The following HOXC4 variants were observed in gnomAD, a reference collection of about 807,000 sequenced individuals.
HOXC4 encodes the protein homeobox protein Hox-C4.
A neutral mutation model predicts 25.5 loss-of-function variants in HOXC4; 15 were observed. The ratio of observed to expected loss-of-function variants is 0.59; its 90% CI spans 0.39 to 0.91. The LOEUF is 0.91. Ranked by LOEUF, HOXC4 falls within the 40% of genes least tolerant of loss-of-function variation. The pLI is 0.00. For synonymous variants in HOXC4, 165 were observed against 148.0 expected (o/e 1.11, Z -0.83); for missense variants, 342 against 352.4 (o/e 0.97, Z 0.24).
intron 1 of HOXC4, among the ~76,000 whole-genome samples, chr12:54,023,209 A>AT (rs1940528809): frequency 6.6e-6 from 1 of 152,014 alleles, no homozygotes; most frequent in South Asian, 2.1e-4. Flanking sequence ...GCCAGAAATG[A>AT]TTTTTTCCAG....
chr12:54,034,495 G>A (rs2136450094), intron 1 of HOXC4: 1 of 1,612,316 alleles, frequency 6.2e-7, no homozygotes, highest in Non-Finnish European at 8.5e-7. Context: ...CTCTTTAGAG[G>A]CAGCGGGGGA....
intron 1 of HOXC4, chr12:54,037,856 C>T (rs1941213490): frequency 6.6e-6 from 1 of 152,166 alleles, no homozygotes; most frequent in Non-Finnish European, 1.5e-5. Flanking sequence ...GACAAACCCA[C>T]AATATATTTA....
Position 54,026,943 on chromosome 12 carries a change from C to CT in HOXC4, c.-124+9529_-124+9530insT, listed in dbSNP as rs202043439. 7.6e-3 allele frequency among the ~76,000 whole-genome samples: 1,065 copies of CT among 140,398 alleles called. 18 individuals are homozygous for CT. The highest frequency in any genetic ancestry group is 0.028 in the African/African-American group (1,025 of 37,098). 92.1% of individuals were successfully genotyped at this position (140,398 alleles called of 152,430 possible). ...TCTTGTTATAGCCAGCTTTCCCCCC[C>CT]CCCAACCCACCCAAAAATGGTGGGG... is the stretch of plus-strand genomic sequence containing the variant. On this transcript the variant is annotated intron_variant, in intron 1 of 3. Transcript: ENST00000303406.
intron 1 of HOXC4, chr12:54,034,610 C>T: frequency 1.2e-6 from 1 of 803,990 alleles, no homozygotes; most frequent in Non-Finnish European, 2.0e-6. Context: ...CACTGGGCTC[C>T]CGGGCCCCAC....
At chr12:54,033,471 G>A (rs1352181159) in intron 1 of HOXC4, 3 of 1,597,308 alleles carry the variant, frequency 1.9e-6, no homozygotes, top group South Asian at 2.2e-5. Flanking sequence ...GAGCAGTGGG[G>A]AGATCAAAGA....
intron 1 of HOXC4, chr12:54,028,409 AT>A: frequency 8.1e-7 from 1 of 1,230,224 alleles, no homozygotes; most frequent in Non-Finnish European, 1.1e-6. Context: ...TGACTTTGTC[AT>A]TTTGTCTGTC....
chr12:54,056,022 T>C lies in HOXC4; in HGVS notation c.*817T>C, dbSNP rs1200640119. The C allele has an allele frequency of 6.5e-6, 1 of 152,678 alleles. No individual in the cohort carries two copies. The highest frequency in any genetic ancestry group is 1.5e-5 in the Non-Finnish European group (1 of 68,048). The allele number at this position is 152,678 out of a possible 1,614,324, so 9.5% of individuals were successfully genotyped here. A position where few individuals can be genotyped will look rare whatever the true frequency, so the allele number is the denominator to read the frequency against. ...TCAATAATAAACCAGTGGATGTGAA[T>C]TAGTTTTACGTCAATGTCTGATGGT... On this transcript the variant is annotated 3_prime_UTR_variant, in exon 2 of 2. Transcript: ENST00000430889.
intron 1 of HOXC4, among the ~76,000 whole-genome samples, chr12:54,029,422 CA>C (rs1455384848): frequency 2.8e-5 from 4 of 140,712 alleles, no homozygotes; most frequent in Non-Finnish European, 6.3e-5. Flanking sequence ...CCCCCCCCCC[CA>C]CCACACACCT....
intron 1 of HOXC4, among the ~76,000 whole-genome samples, chr12:54,042,898 G>A (rs560197637): frequency 6.6e-6 from 1 of 152,306 alleles, no homozygotes; most frequent in African/African-American, 2.4e-5. Flanking sequence ...GGGGCTCCAG[G>A]AGCCCAAGGA....
chr12:54,054,849 G>A lies in HOXC4; in HGVS notation c.440-1G>A. 1 of 1,600,026 alleles carries A rather than the reference G, an allele frequency of 6.2e-7. No homozygotes were observed. The highest frequency in any genetic ancestry group is 8.6e-7 in the Non-Finnish European group (1 of 1,169,380). On this transcript the variant is annotated splice_acceptor_variant, in intron 1 of 1. Coordinates refer to ENST00000430889, the MANE Select transcript of HOXC4 (RefSeq NM_153633.3). LOFTEE classifies it high-confidence loss of function. ...ACTATTTGCTTTTCCCCTCCCCCCA[G>A]TGAACCCCAATTATAACGGAGGGGA... is the stretch of plus-strand genomic sequence containing the variant.
chr12:54,031,054 A>C (rs1484104739), intron 1 of HOXC4, among the ~76,000 whole-genome samples: 2 of 152,204 alleles, frequency 1.3e-5, no homozygotes, highest in South Asian at 2.1e-4. Context: ...ACCCTGCGGG[A>C]AAAAGCCGCG....
chr12:54,052,925 G>T (rs1185125212), upstream of HOXC4, among the ~76,000 whole-genome samples: 1 of 152,204 alleles, frequency 6.6e-6, no homozygotes, highest in African/African-American at 2.4e-5. Flanking sequence ...TCAGGATCTT[G>T]GCTGGGCACC....
At chr12:54,025,492 G>T (rs1940650077) in intron 1 of HOXC4, among the ~76,000 whole-genome samples, 1 of 142,502 alleles carries the variant, frequency 7.0e-6, no homozygotes, top group Non-Finnish European at 1.5e-5. Flanking sequence ...AGAGAAAGAA[G>T]AGGGCTTCTT....
At chr12:54,038,853 A>T (rs1411656740) in intron 1 of HOXC4, among the ~76,000 whole-genome samples, 4 of 152,020 alleles carry the variant, frequency 2.6e-5, no homozygotes, top group African/African-American at 9.7e-5. Context: ...CCCAACCTTA[A>T]GGACAGAGTA....
rs11554014 is a variant in HOXC4, at chr12:54,055,939, T to C, written c.*734T>C. The C allele has an allele frequency of 0.015, 2,263 of 152,758 alleles. 20 individuals carry two copies. The highest frequency in any genetic ancestry group is 0.025 in the Non-Finnish European group (1,703 of 68,020). The allele number at this position is 152,758 out of a possible 1,614,324, so 9.5% of individuals were successfully genotyped here. ...TATTGTGTTTTTGGACTGAATTTACTTGATTATTGTAAAACTTGCAATAAA... is the reference window on the plus strand; with the variant it reads ...TATTGTGTTTTTGGACTGAATTTACCTGATTATTGTAAAACTTGCAATAAA... On this transcript the variant is annotated 3_prime_UTR_variant, in exon 2 of 2. Coordinates refer to ENST00000430889, the MANE Select transcript of HOXC4 (RefSeq NM_153633.3).
In HOXC4 at chr12:54,055,253, C is replaced by T. The variant is rs1937950239; in HGVS notation, c.*48C>T. On this transcript the variant is annotated 3_prime_UTR_variant, in exon 2 of 2. Transcript: ENST00000430889. ...CCACCCCATGCCCCCACCCTCCCCT[C>T]ACACACAAATTGACTCTTATTTATA... 6.0e-6 allele frequency: 5 copies of T among 833,220 alleles called. No individual in the cohort carries two copies. Among genetic ancestry groups the T allele is most frequent in the Non-Finnish European group, 5.3e-6 (3 of 561,830 alleles). The allele number at this position is 833,220 out of a possible 1,614,324, so 51.6% of individuals were successfully genotyped here.
At chr12:54,033,770 A>C (rs1380861393) in intron 1 of HOXC4, among the ~76,000 whole-genome samples, 1 of 152,244 alleles carries the variant, frequency 6.6e-6, no homozygotes, top group Admixed American at 6.5e-5. Context: ...TCATAGGAAC[A>C]AAACGTGTAT....
intron 1 of HOXC4, among the ~76,000 whole-genome samples, chr12:54,047,423 G>A (rs1937740621): frequency 6.6e-6 from 1 of 152,254 alleles, no homozygotes; most frequent in Admixed American, 6.5e-5. Flanking sequence ...GGGCGAGGCC[G>A]AAGCCCGCCC....
chr12:54,034,575 T>A, intron 1 of HOXC4: 1 of 1,221,698 alleles, frequency 8.2e-7, no homozygotes, highest in Non-Finnish European at 1.2e-6. Context: ...CTCTCTATAT[T>A]TCGGGTCGGG....
Sources: gnomAD v4.1 joint callset for allele counts (sites outside exome capture counted in the v4.1 genomes callset) on GRCh38, gnomAD v4.1.1 for gene constraint, MANE v1.5 for transcripts, NCBI Gene and HGNC (gene_info 2026-07-23, HGNC 2026-07-21) for gene names.